Variants in TMEM132A observed in about 807,000 individuals in gnomAD.
TMEM132A encodes GRP78-binding protein.
TMEM132A carries 48 observed loss-of-function variants against 69.9 expected under a neutral mutation model. The observed-to-expected ratio is 0.69, with a 90% CI of 0.55 to 0.87. The LOEUF is 0.87. Among genes scored for constraint, TMEM132A ranks in the 40% least tolerant of loss-of-function variants. TMEM132A has a pLI of 0.00. For missense variants in TMEM132A, 1,287 were observed against 1,407.2 expected, an observed-to-expected ratio of 0.91 and a Z score of 1.37; for synonymous variants, 577 against 613.7, an observed-to-expected ratio of 0.94 and a Z score of 0.88.
Position 60,924,484 on chromosome 11 carries a change from A to C in TMEM132A, c.-150A>C. 2.3e-6 allele frequency: 1 copy of C among 430,768 alleles called. No homozygotes were observed. Among genetic ancestry groups the C allele is most frequent in the Non-Finnish European group, 3.8e-6 (1 of 261,724 alleles). 26.7% of individuals were successfully genotyped at this position (430,768 alleles called of 1,614,324 possible). A position where few individuals can be genotyped will look rare whatever the true frequency, so the allele number is the denominator to read the frequency against. ...CACTGCTCCCGCTCCATTGTCTGGGAATTGCAGCCGCGGGGCGGGCGGCGG... is the reference window on the plus strand; with the variant it reads ...CACTGCTCCCGCTCCATTGTCTGGGCATTGCAGCCGCGGGGCGGGCGGCGG... On this transcript the variant is annotated 5_prime_UTR_variant, in exon 1 of 11. Coordinates refer to ENST00000453848, the MANE Select transcript of TMEM132A (RefSeq NM_178031.3).
At chr11:60,926,702 A>C in intron 1 of TMEM132A, 1 of 222,502 alleles carries the variant, frequency 4.5e-6, no homozygotes, top group Non-Finnish European at 9.0e-6. Context: ...GAAGGGAGCA[A>C]GCTTGGAAAG....
chr11:60,935,546 G>T lies in TMEM132A; in HGVS notation c.2028+103G>T. On this transcript the variant is annotated intron_variant, in intron 10 of 10. Transcript: ENST00000453848. The surrounding 1 kb of genome is among the most constrained non-coding windows in gnomAD (Gnocchi z 5.0). ...GACCCTGGTACCTCGACCCCTTAGG[G>T]TTTTCAGAGTGAGGACTGACTCTGT... 8.1e-7 allele frequency: 1 copy of T among 1,240,554 alleles called. No homozygotes were observed. The highest frequency in any genetic ancestry group is 1.1e-6 in the Non-Finnish European group (1 of 894,568). The allele number at this position is 1,240,554 out of a possible 1,614,324, so 76.8% of individuals were successfully genotyped here. A position where few individuals can be genotyped will look rare whatever the true frequency, so the allele number is the denominator to read the frequency against.
Position 60,936,630 on chromosome 11 carries a change from A to T in TMEM132A, c.2795A>T (p.Glu932Val), listed in dbSNP as rs2134916380. 1.9e-6 allele frequency: 3 copies of T among 1,569,236 alleles called. No homozygotes were observed. The highest frequency in any genetic ancestry group is 2.6e-6 in the Non-Finnish European group (3 of 1,157,666). The change falls in exon 11 of 11, where the codon GAG becomes GTG. Residue 932 changes from glutamate to valine, a missense_variant. Physicochemically the swap from Glu to Val is moderately radical, Grantham distance 121. Transcript: ENST00000453848. ...SCPCESGGGG[E>V]APTLAPGPPG... The stretch of plus-strand genomic sequence containing the variant: ...CCCTGTGAGAGTGGGGGAGGAGGGG[A>T]GGCCCCTACCCTGGCCCCTGGCCCT...
At chr11:60,928,540 G>A (rs1856400095) in intron 3 of TMEM132A, 89 bp from the exon 4 acceptor site, 3 of 1,282,554 alleles carry the variant, frequency 2.3e-6, no homozygotes, top group Non-Finnish European at 3.3e-6. Flanking sequence ...AGCCCCTCCA[G>A]CTCTGGGTTT....
intron 1 of TMEM132A, among the ~76,000 whole-genome samples, chr11:60,924,987 G>A (rs1412683351): frequency 1.3e-5 from 2 of 152,008 alleles, no homozygotes; most frequent in African/African-American, 2.4e-5. Flanking sequence ...GGGCTTCCCC[G>A]TCCCGCACCT....
Position 60,935,373 on chromosome 11 carries a change from G to A in TMEM132A, c.1958G>A (p.Arg653Gln), listed in dbSNP as rs748695277. 46 of 1,612,444 alleles carry A rather than the reference G, an allele frequency of 2.9e-5. No homozygotes were observed. The highest frequency in any genetic ancestry group is 4.5e-5 in the East Asian group (2 of 44,824). The change falls in exon 10 of 11, where the codon CGG becomes CAG. Residue 653 changes from arginine to glutamine, a missense_variant. By Grantham distance (43) the Arg-to-Gln change is conservative. Transcript: ENST00000453848. The surrounding 1 kb of genome is among the most constrained non-coding windows in gnomAD (Gnocchi z 5.0). Reference sequence around the variant, plus strand: ...ATGGGCATCTCGCTGACCTTGAGCCGGGGCACTGCCCACCCCGGGGAGGTC... The same window carrying A: ...ATGGGCATCTCGCTGACCTTGAGCCAGGGCACTGCCCACCCCGGGGAGGTC... The part of the protein sequence containing the change: ...PVMGISLTLS[R>Q]GTAHPGEVTA...
In TMEM132A at chr11:60,933,601, G is replaced by A. The variant is rs747263029; in HGVS notation, c.1416G>A (p.Gly472=). Residue 472 remains glycine, a synonymous_variant, in exon 8 of 11, where the codon GGG becomes GGA. Transcript: ENST00000453848. ...GCAAGGAGAGCCGGGGCGCCCGGGG[G>A]GTGCGAGTGGACTTCTGGTGGCGCC... The part of the protein sequence containing the change: ...VAGKESRGAR[G]VRVDFWWRRL... 5.6e-6 allele frequency: 9 copies of A among 1,607,042 alleles called. No individual in the cohort carries two copies. The highest frequency in any genetic ancestry group is 5.9e-6 in the Non-Finnish European group (7 of 1,179,292).
In TMEM132A at chr11:60,936,227, G is replaced by A. The variant is rs982724033; in HGVS notation, c.2392G>A (p.Ala798Thr). ...EATMGGKRQV[A>T]GSVGGNTGVR... is the part of the protein sequence containing the mutation. ...CACCATGGGTGGTAAACGGCAGGTG[G>A]CAGGCAGTGTCGGGGGCAACACAGG... The change falls in exon 11 of 11, where the codon GCA becomes ACA. Residue 798 changes from alanine (A) to threonine (T), a missense_variant. Transcript: ENST00000453848. The A allele has an allele frequency of 1.2e-6, 2 of 1,614,094 alleles. No homozygotes were observed. Among genetic ancestry groups the A allele is most frequent in the Non-Finnish European group, 1.7e-6 (2 of 1,179,984 alleles).
At chr11:60,934,186 G>T in intron 8 of TMEM132A, 2 of 381,498 alleles carry the variant, frequency 5.2e-6, no homozygotes, top group Non-Finnish European at 9.3e-6. Context: ...CTGGAATCTA[G>T]CTTCCAGGCC....
intron 3 of TMEM132A, among the ~76,000 whole-genome samples, chr11:60,928,074 C>T (rs541183088): frequency 2.6e-5 from 4 of 152,208 alleles, no homozygotes; most frequent in Non-Finnish European, 4.4e-5. Context: ...GAGTAAGTAA[C>T]TTAATCTCTC....
In TMEM132A at chr11:60,935,097, A is replaced by G. The variant is rs1283625050; in HGVS notation, c.1837-155A>G. On this transcript the variant is annotated intron_variant, in intron 9 of 10. Coordinates refer to ENST00000453848, the MANE Select transcript of TMEM132A (RefSeq NM_178031.3). The surrounding 1 kb of genome is among the most constrained non-coding windows in gnomAD (Gnocchi z 5.0). ...GATAGTAGCCCATGAGCCTGCTGGG[A>G]GTACCCGGTTCCCTCTGGGTGGGGG... Among the ~76,000 whole-genome samples, 1 of 152,052 alleles carries G rather than the reference A, an allele frequency of 6.6e-6. No individual in the cohort carries two copies. The highest frequency in any genetic ancestry group is 1.5e-5 in the Non-Finnish European group (1 of 67,992).
Position 60,928,670 on chromosome 11 carries a change from G to C in TMEM132A, c.576G>C (p.Ser192=), listed in dbSNP as rs147175493. The C allele has an allele frequency of 2.5e-6, 4 of 1,610,496 alleles. No homozygotes were observed. The Admixed American group carries it at 5.0e-5, about 20-fold the overall frequency. Residue 192 remains serine, a synonymous_variant, in exon 4 of 11, where the codon TCG becomes TCC. Coordinates refer to ENST00000453848, the MANE Select transcript of TMEM132A (RefSeq NM_178031.3). ...GACVVELELP[S]HWFSQASTTR... ...GCGTGGTGGAGCTGGAGCTTCCCTCGCACTGGTTCTCACAGGCCTCCACCA... is the reference window on the plus strand; with the variant it reads ...GCGTGGTGGAGCTGGAGCTTCCCTCCCACTGGTTCTCACAGGCCTCCACCA...
At chr11:60,927,017 A>G (rs748760905) in intron 1 of TMEM132A, 187 bp from the exon 2 acceptor site, 4 of 645,978 alleles carry the variant, frequency 6.2e-6, no homozygotes, top group East Asian at 2.7e-5. Context: ...GCTTTGCTAC[A>G]TACTACCTGT....
In TMEM132A at chr11:60,936,464, C is replaced by G; in HGVS notation, c.2629C>G (p.Arg877Gly). The change falls in exon 11 of 11, where the codon CGC becomes GGC. Residue 877 changes from arginine (R) to glycine (G), a missense_variant. Transcript: ENST00000453848. ...TGTGGTCTTCGTCCTGCGCTATCAG[C>G]GCAAAGAACCTCCCGACAGTGCCAC... is the stretch of plus-strand genomic sequence containing the variant. ...NGVVFVLRYQ[R>G]KEPPDSATDP... 8.1e-6 allele frequency: 13 copies of G among 1,614,188 alleles called. 1 individual carries two copies. The highest frequency in any genetic ancestry group is 9.3e-6 in the Non-Finnish European group (11 of 1,180,024).
rs999418062 is a variant in TMEM132A at position 60,937,121 on chromosome 11, C to G, written c.*214C>G. 47 of 1,501,674 alleles carry G rather than the reference C, an allele frequency of 3.1e-5. 1 individual carries two copies. Among genetic ancestry groups the G allele is most frequent in the South Asian group, 7.8e-5 (6 of 76,616 alleles). The allele number at this position is 1,501,674 out of a possible 1,614,324, so 93.0% of individuals were successfully genotyped here. On this transcript the variant is annotated 3_prime_UTR_variant, in exon 11 of 11. Coordinates refer to ENST00000453848, the MANE Select transcript of TMEM132A (RefSeq NM_178031.3). ...GCTCATGCCCCTTATTTATGGGAACCATTTCATTCTAACAGAATAAACCGA... is the reference window on the plus strand; with the variant it reads ...GCTCATGCCCCTTATTTATGGGAACGATTTCATTCTAACAGAATAAACCGA...
chr11:60,929,854 C>G (rs2134898958), intron 4 of TMEM132A, among the ~76,000 whole-genome samples: 1 of 152,194 alleles, frequency 6.6e-6, no homozygotes, highest in South Asian at 2.1e-4. Flanking sequence ...TGTCTTCACT[C>G]TGCAGATCCA....
At chr11:60,929,108 G>A (rs540804258) in intron 4 of TMEM132A, 148 bp downstream of exon 4, 2 of 839,304 alleles carry the variant, frequency 2.4e-6, no homozygotes, top group African/African-American at 1.7e-5. Context: ...CAGGTAAAAA[G>A]CCATGACTGT....
chr11:60,926,645 C>T lies in TMEM132A; in HGVS notation c.101-559C>T, dbSNP rs117654801. 4.6e-5 allele frequency: 8 copies of T among 174,470 alleles called. No homozygotes were observed. The East Asian group carries it at 8.6e-4, about 19-fold the overall frequency. The allele number at this position is 174,470 out of a possible 1,614,324, so 10.8% of individuals were successfully genotyped here. A position where few individuals can be genotyped will look rare whatever the true frequency, so the allele number is the denominator to read the frequency against. On this transcript the variant is annotated intron_variant, in intron 1 of 10. Transcript: ENST00000453848. ...TCACAGACCTCTTCAGCACCTTCCGCGCCCGCCCATCCCACACTTGCACTC... is the reference window on the plus strand; with the variant it reads ...TCACAGACCTCTTCAGCACCTTCCGTGCCCGCCCATCCCACACTTGCACTC...
Position 60,936,915 on chromosome 11 carries a change from C to G in TMEM132A, c.*8C>G. On this transcript the variant is annotated 3_prime_UTR_variant, in exon 11 of 11. Coordinates refer to ENST00000453848, the MANE Select transcript of TMEM132A (RefSeq NM_178031.3). ...ATCCGGGGCAGCTCCTGACCCTCCA[C>G]AGCCACCTGGTCAGCCACCAGCTGG... 6.6e-7 allele frequency: 1 copy of G among 1,520,762 alleles called. No homozygotes were observed. Among genetic ancestry groups the G allele is most frequent in the Non-Finnish European group, 8.8e-7 (1 of 1,134,016 alleles). 94.2% of individuals were successfully genotyped at this position (1,520,762 alleles called of 1,614,324 possible).
Sources: gnomAD v4.1 joint callset for allele counts (sites outside exome capture counted in the v4.1 genomes callset) on GRCh38, gnomAD v4.1.1 for gene constraint, Gnocchi (gnomAD v3.1) non-coding constraint, MANE v1.5 for transcripts, NCBI Gene and HGNC (gene_info 2026-07-23, HGNC 2026-07-21) for gene names.